The following ENPP1 variants were observed in gnomAD, a reference collection of about 807,000 sequenced individuals.
ENPP1 encodes ectonucleotide pyrophosphatase/phosphodiesterase 1, also known as ectonucleotide pyrophosphatase/phosphodiesterase family member 1.
ENPP1 carries 73 observed loss-of-function variants against 122.8 expected under a neutral mutation model. The observed-to-expected ratio is 0.59, with a 90% CI of 0.49 to 0.72. ENPP1 has a LOEUF of 0.72. Among genes scored for constraint, ENPP1 ranks in the 30% least tolerant of loss-of-function variants. The pLI is 0.00. For synonymous variants in ENPP1, 367 were observed against 391.6 expected (o/e 0.94, Z 0.74); for missense variants, 978 against 1,128.1 (o/e 0.87, Z 1.91).
At chr6:131,877,888 T>A (rs1312753080) in intron 18 of ENPP1, 5 of 119,462 alleles carry the variant, frequency 4.2e-5, no homozygotes, top group African/African-American at 1.3e-4. Flanking sequence ...TATATATATA[T>A]ATATATATAT....
intron 18 of ENPP1, 107 bp downstream of exon 18, chr6:131,877,268 G>T: frequency 9.3e-7 from 1 of 1,079,146 alleles, no homozygotes; most frequent in Admixed American, 2.0e-5. Flanking sequence ...TTAGGAGTGG[G>T]GGTAGGTAAA....
intron 1 of ENPP1, among the ~76,000 whole-genome samples, chr6:131,830,186 T>G (rs1781593595): frequency 6.6e-6 from 1 of 152,112 alleles, no homozygotes; most frequent in Admixed American, 6.5e-5. Context: ...TGATGCTCTT[T>G]GGAGGCTGTG....
intron 1 of ENPP1, among the ~76,000 whole-genome samples, chr6:131,821,070 A>G (rs931517517): frequency 3.3e-5 from 5 of 152,324 alleles, no homozygotes; most frequent in African/African-American, 1.2e-4. Context: ...AAGGCACTTT[A>G]CATCCTTAAC....
chr6:131,849,232 G>A (rs1214941985), intron 2 of ENPP1, among the ~76,000 whole-genome samples: 1 of 152,074 alleles, frequency 6.6e-6, no homozygotes. Context: ...TGGGTTTTAG[G>A]GAGACAGTAT....
rs1330930703 is a variant in ENPP1, at chr6:131,851,212, A to G, written c.501A>G (p.Ser167=). 1 of 1,614,138 alleles carries G rather than the reference A, an allele frequency of 6.2e-7. No individual in the cohort carries two copies. Among genetic ancestry groups the G allele is most frequent in the Admixed American group, 1.7e-5 (1 of 60,020 alleles). Reference sequence around the variant, plus strand: ...TGACCAGAAGCCTCTGTGCCTGTTCAGATGACTGCAAGGACAAGGGCGACT... The same window carrying G: ...TGACCAGAAGCCTCTGTGCCTGTTCGGATGACTGCAAGGACAAGGGCGACT... ...KRLTRSLCAC[S]DDCKDKGDCC... is the part of the protein sequence containing the mutation. The change falls in exon 4 of 25, where the codon TCA becomes TCG. Residue 167 remains serine (S), a synonymous_variant. Transcript: ENST00000647893.
chr6:131,860,109 G>A (rs1781999274), intron 7 of ENPP1, among the ~76,000 whole-genome samples: 1 of 152,172 alleles, frequency 6.6e-6, no homozygotes, highest in Non-Finnish European at 1.5e-5. Flanking sequence ...ATAAGTGTGA[G>A]CCACTGGGTC....
intron 1 of ENPP1, among the ~76,000 whole-genome samples, chr6:131,843,164 G>C (rs1013555771): frequency 2.0e-5 from 3 of 152,092 alleles, no homozygotes; most frequent in African/African-American, 7.2e-5. Context: ...AACTAAATTA[G>C]GTTTCACAGC....
Position 131,879,466 on chromosome 6 carries a change from T to C in ENPP1, c.1946-414T>C, listed in dbSNP as rs1782274354. Among the ~76,000 whole-genome samples, 3 of 152,298 alleles carry C rather than the reference T, an allele frequency of 2.0e-5. No homozygotes were observed. The South Asian group carries it at 6.2e-4, about 32-fold the overall frequency. Reference sequence around the variant, plus strand: ...TAAATAATATCTATATTGTTATTGTTTTATTTAGTTTAGTCTCATAATTTC... The same window carrying C: ...TAAATAATATCTATATTGTTATTGTCTTATTTAGTTTAGTCTCATAATTTC... On this transcript the variant is annotated intron_variant, in intron 19 of 24. Coordinates refer to ENST00000647893, the MANE Select transcript of ENPP1 (RefSeq NM_006208.3).
intron 1 of ENPP1, among the ~76,000 whole-genome samples, chr6:131,829,880 G>C (rs1289423320): frequency 6.6e-6 from 1 of 152,158 alleles, no homozygotes; most frequent in African/African-American, 2.4e-5. Context: ...GATACATTCT[G>C]ATTTCTCCTT....
At chr6:131,887,812 G>A (rs71572993) in intron 24 of ENPP1, among the ~76,000 whole-genome samples, 1 of 139,298 alleles carries the variant, frequency 7.2e-6, no homozygotes, top group Non-Finnish European at 1.5e-5. Flanking sequence ...TGATCCACCC[G>A]CCTTGTCCTT....
At chr6:131,880,110 C>T in intron 20 of ENPP1, 76 bp downstream of exon 20, 1 of 1,405,048 alleles carries the variant, frequency 7.1e-7, no homozygotes, top group Middle Eastern at 1.8e-4. Flanking sequence ...CATAGTTTCT[C>T]ACTGTTCACC....
intron 24 of ENPP1, among the ~76,000 whole-genome samples, chr6:131,889,657 G>A (rs6906262): frequency 0.12 from 17,733 of 152,098 alleles, 1,958 homozygotes; most frequent in African/African-American, 0.3. Flanking sequence ...TCCATGGTGT[G>A]TATGTACCAC....
rs186943693 is a variant in ENPP1, at chr6:131,880,330, G to A, written c.2100+296G>A. On this transcript the variant is annotated intron_variant, in intron 20 of 24. Transcript: ENST00000647893. ...TGTAATCTCAGCACTTTGGGAGGCC[G>A]AGGCGGGCAGATCACGAGGTCAGGA... 7.5e-3 allele frequency among the ~76,000 whole-genome samples: 1,141 copies of A among 152,198 alleles called. 10 individuals are homozygous for A. The highest frequency in any genetic ancestry group is 0.011 in the Non-Finnish European group (752 of 68,004).
At position 131,851,172 on chromosome 6, in the gene ENPP1, G is replaced by A. The variant is rs1412714264; in HGVS notation, c.461G>A (p.Cys154Tyr). The change falls in exon 4 of 25, where the codon TGT becomes TAT. Residue 154 changes from cysteine (C) to tyrosine (Y), a missense_variant. Physicochemically the swap from Cys to Tyr is radical, Grantham distance 194. Around this residue, in one of 3 missense-constraint regions of ENPP1, gnomAD observed 330 missense variants for 328.5 expected, o/e 1.00. Coordinates refer to ENST00000647893, the MANE Select transcript of ENPP1 (RefSeq NM_006208.3). The part of the protein sequence containing the change: ...EHIWTCNKFR[C>Y]GEKRLTRSLC... Reference sequence around the variant, plus strand: ...ATATGGACTTGCAACAAATTCAGGTGTGGTGAGAAAAGGTTGACCAGAAGC... The same window carrying A: ...ATATGGACTTGCAACAAATTCAGGTATGGTGAGAAAAGGTTGACCAGAAGC... The A allele has an allele frequency of 6.2e-7, 1 of 1,614,100 alleles. No homozygotes were observed. The highest frequency in any genetic ancestry group is 1.3e-5 in the African/African-American group (1 of 75,044).
At chr6:131,808,561 T>C (rs1781311126) in intron 1 of ENPP1, among the ~76,000 whole-genome samples, 1 of 152,208 alleles carries the variant, frequency 6.6e-6, no homozygotes. Flanking sequence ...CTCGACCCCC[T>C]GCCCCAGGAG....
chr6:131,838,951 T>A (rs1781708319), intron 1 of ENPP1, among the ~76,000 whole-genome samples: 1 of 152,178 alleles, frequency 6.6e-6, no homozygotes, highest in South Asian at 2.1e-4. Flanking sequence ...CTCTAGCCCA[T>A]GAAGAGATTG....
chr6:131,859,076 T>C (rs374227440), intron 7 of ENPP1, among the ~76,000 whole-genome samples: 8 of 152,336 alleles, frequency 5.3e-5, no homozygotes, highest in Admixed American at 2.6e-4. Flanking sequence ...CAAAAAACCT[T>C]CCCAAACTCC....
intron 21 of ENPP1, 31 bp from the exon 22 acceptor site, chr6:131,883,663 A>G: frequency 9.7e-7 from 1 of 1,028,316 alleles, no homozygotes; most frequent in African/African-American, 1.6e-5. Flanking sequence ...TTTGTGAAGA[A>G]TGAAAAAGTT....
At chr6:131,867,991 C>A in intron 11 of ENPP1, 27 bp from the exon 12 acceptor site, 3 of 1,388,682 alleles carry the variant, frequency 2.2e-6, no homozygotes, top group Non-Finnish European at 3.1e-6. Flanking sequence ...GAAGGTATCA[C>A]ATGAGGTTGT....
Sources: allele counts gnomAD v4.1 joint callset (sites outside exome capture counted in the v4.1 genomes callset), GRCh38; gene constraint gnomAD v4.1.1; regional missense constraint gnomAD v4.1.1; transcripts MANE v1.5; gene names NCBI Gene and HGNC (gene_info 2026-07-23, HGNC 2026-07-21).